OPLAH: variants seen among roughly 807,000 people sequenced by gnomAD.
OPLAH encodes the protein 5-oxoprolinase, ATP-hydrolysing.
A neutral mutation model predicts 122.8 loss-of-function variants in OPLAH; 103 were observed. The ratio of observed to expected loss-of-function variants is 0.84; its 90% CI spans 0.71 to 0.99. OPLAH has a LOEUF of 0.99. OPLAH is among the 50% of genes least tolerant of loss of function. The pLI, the probability that OPLAH is intolerant of heterozygous loss-of-function variation, is 0.00. For synonymous variants in OPLAH, 875 were observed against 796.0 expected (o/e 1.10, Z -1.67); for missense variants, 1,902 against 1,836.5 (o/e 1.04, Z -0.65).
intron 3 of OPLAH, 53 bp from the exon 4 acceptor site, chr8:144,059,132 G>T: frequency 7.0e-7 from 1 of 1,430,364 alleles, no homozygotes; most frequent in Non-Finnish European, 9.5e-7. Context: ...TCCAGGCCGG[G>T]GTCCTGTGTG....
At position 144,057,022 on chromosome 8, in the gene OPLAH, G is replaced by C. The variant is rs782042161; in HGVS notation, c.1632C>G (p.Phe544Leu). Residue 544 changes from phenylalanine to leucine, a missense_variant, in exon 12 of 27, where the codon TTC becomes TTG. Transcript: ENST00000618853. Reference sequence around the variant, plus strand: ...GGCTCAGCCTCTGGTCCAGCTGCACGAAGGTCTCAGGCGCGTAGAGCAGGG... The same window carrying C: ...GGCTCAGCCTCTGGTCCAGCTGCACCAAGGTCTCAGGCGCGTAGAGCAGGG... ...PCSLLYAPET[F>L]VQLDQRLSRL... The C allele has an allele frequency of 6.3e-7, 1 of 1,597,582 alleles. No individual in the cohort carries two copies. The highest frequency in any genetic ancestry group is 2.3e-5 in the East Asian group (1 of 44,168).
Position 144,058,362 on chromosome 8 carries a change from G to T in OPLAH, c.826C>A (p.Pro276Thr). Reference protein sequence around the residue: ...LFMRSDGGLAPMDTFSGSSAV... With the variant: ...LFMRSDGGLATMDTFSGSSAV... ...CTGGAGCCGCTGAAGGTGTCCATGGGCGCCAGGCCGCCATCGGAGCGCATG... is the reference window on the plus strand; with the variant it reads ...CTGGAGCCGCTGAAGGTGTCCATGGTCGCCAGGCCGCCATCGGAGCGCATG... Residue 276 changes from proline (P) to threonine (T), a missense_variant, in exon 7 of 27, where the codon CCC becomes ACC. By Grantham distance (38) the Pro-to-Thr change is conservative. Around this residue, in one of 3 missense-constraint regions of OPLAH, gnomAD observed 1,726 missense variants for 1,642.1 expected, o/e 1.05. Coordinates refer to ENST00000618853, the MANE Select transcript of OPLAH (RefSeq NM_017570.5). 6.3e-7 allele frequency: 1 copy of T among 1,594,878 alleles called. No individual in the cohort carries two copies.
intron 26 of OPLAH, 85 bp downstream of exon 26, chr8:144,051,644 T>G: frequency 8.0e-7 from 1 of 1,249,266 alleles, no homozygotes; most frequent in Non-Finnish European, 1.1e-6. Flanking sequence ...CGGCCTCTGG[T>G]CAGGTCTGCA....
At position 144,056,464 on chromosome 8, in the gene OPLAH, C is replaced by T. The variant is rs782470750; in HGVS notation, c.1904G>A (p.Arg635Gln). Reference protein sequence around the residue: ...PERPVVVDDVRVRGTGRSGLR... With the variant: ...PERPVVVDDVQVRGTGRSGLR... ...ACCACTGCGGCCGGTGCCCCGCACT[C>T]GCACATCGTCCACGACCACCGGCCG... Residue 635 changes from arginine (R) to glutamine (Q), a missense_variant, in exon 14 of 27, where the codon CGA becomes CAA. By Grantham distance (43) the Arg-to-Gln change is conservative. This residue lies in a region of OPLAH where 1,726 missense variants were observed against 1,642.1 expected (regional missense o/e 1.05). Coordinates refer to ENST00000618853, the MANE Select transcript of OPLAH (RefSeq NM_017570.5). The T allele has an allele frequency of 1.9e-4, 314 of 1,611,296 alleles. No homozygotes were observed. The highest frequency in any genetic ancestry group is 3.6e-4 in the East Asian group (16 of 44,828).
chr8:144,052,718 G>T, intron 22 of OPLAH, 48 bp downstream of exon 22: 2 of 1,550,988 alleles, frequency 1.3e-6, no homozygotes, highest in Admixed American at 1.9e-5. Context: ...GGCGCACTCA[G>T]GGTGACCTCG....
chr8:144,061,788 C>A (rs559280438), upstream of OPLAH, among the ~76,000 whole-genome samples: 1 of 152,088 alleles, frequency 6.6e-6, no homozygotes, highest in African/African-American at 2.4e-5. Flanking sequence ...TTTGGGAGAC[C>A]GAGGCGTGTG....
In OPLAH at chr8:144,052,605, G is replaced by T; in HGVS notation, c.3154-7C>A. The T allele has an allele frequency of 6.3e-7, 1 of 1,587,144 alleles. No homozygotes were observed. Among genetic ancestry groups the T allele is most frequent in the East Asian group, 2.3e-5 (1 of 44,212 alleles). The stretch of plus-strand genomic sequence containing the variant: ...GCACTGGCGCCAGGCAGCCCTGTGC[G>T]GGGCGGGCGGCTCTCAGGAGCTCTT... On this transcript the variant is annotated splice_polypyrimidine_tract_variant and splice_region_variant and intron_variant, in intron 22 of 26. Coordinates refer to ENST00000618853, the MANE Select transcript of OPLAH (RefSeq NM_017570.5).
chr8:144,051,695 AG>A (rs1554757685), intron 26 of OPLAH, 33 bp downstream of exon 26: 2 of 1,384,388 alleles, frequency 1.4e-6, no homozygotes, highest in Non-Finnish European at 2.0e-6. Context: ...AGGGGAGGGG[AG>A]GGGAGGGGGA....
upstream of OPLAH, among the ~76,000 whole-genome samples, chr8:144,062,485 C>G (rs901725196): frequency 6.6e-6 from 1 of 152,114 alleles, no homozygotes; most frequent in Admixed American, 6.5e-5. Flanking sequence ...GGAAGCAGCT[C>G]TGGTCAGCAA....
chr8:144,050,629 G>A (rs1400791347), downstream of OPLAH: 1 of 985,606 alleles, frequency 1.0e-6, no homozygotes. Flanking sequence ...TGGGCCCTGG[G>A]TATCGCGCTT....
rs1361995008 is a variant in OPLAH at position 144,051,292 on chromosome 8, C to G, written c.*34G>C. The G allele has an allele frequency of 2.5e-6, 4 of 1,608,322 alleles. No individual in the cohort carries two copies. Among genetic ancestry groups the G allele is most frequent in the African/African-American group, 1.3e-5 (1 of 74,414 alleles). On this transcript the variant is annotated 3_prime_UTR_variant, in exon 27 of 27. Transcript: ENST00000618853. ...AGGCGCCGTAGCTGCGTCCCCAGAA[C>G]CGGGAGACTTAAGGCATCTTTATTG...
Position 144,059,033 on chromosome 8 carries a change from T to C in OPLAH, c.410A>G (p.Asp137Gly), listed in dbSNP as rs1432166089. 1 of 1,590,344 alleles carries C rather than the reference T, an allele frequency of 6.3e-7. No individual in the cohort carries two copies. Among genetic ancestry groups the C allele is most frequent in the Non-Finnish European group, 8.5e-7 (1 of 1,170,042 alleles). The change falls in exon 4 of 27, where the codon GAC becomes GGC. Residue 137 changes from aspartate (D) to glycine (G), a missense_variant. By Grantham distance (94) the Asp-to-Gly change is moderately conservative. Transcript: ENST00000618853. ...TCCACGGTGCAGCACCACGCGTTCGTCCACCTCCAGCACCTCTTCATACAG... is the reference window on the plus strand; with the variant it reads ...TCCACGGTGCAGCACCACGCGTTCGCCCACCTCCAGCACCTCTTCATACAG... ...EVLYEEVLEV[D>G]ERVVLHRGEA...
chr8:144,057,383 C>A lies in OPLAH; in HGVS notation c.1423-63G>T, dbSNP rs181866575. The stretch of plus-strand genomic sequence containing the variant: ...TACCCCATCCAGCCCCCAGCCTGAG[C>A]AGGAGGCCTGGGGCAGGGAGCAGGG... On this transcript the variant is annotated intron_variant, in intron 10 of 26. Coordinates refer to ENST00000618853, the MANE Select transcript of OPLAH (RefSeq NM_017570.5). The A allele has an allele frequency of 2.1e-5, 33 of 1,582,306 alleles. No individual in the cohort carries two copies. In the East Asian group the frequency reaches 7.3e-4, roughly 35 times the overall value.
At chr8:144,051,230 C>G, downstream of OPLAH, 3 of 1,559,156 alleles carry the variant, frequency 1.9e-6, no homozygotes, top group Non-Finnish European at 2.6e-6. Context: ...GAGGGGCGCG[C>G]GGCTGGCGCG....
In OPLAH at chr8:144,057,936, AGGG is replaced by A; in HGVS notation, c.1089-16_1089-14del. ...AAAGAGGCCAGACCTAGGGGAAGGA[AGGG>A]CTGGGGTTGGAGTTGGACACGAGGA... On this transcript the variant is annotated splice_polypyrimidine_tract_variant and intron_variant, in intron 8 of 26. Transcript: ENST00000618853. The A allele has an allele frequency of 6.2e-7, 1 of 1,611,738 alleles. No individual in the cohort carries two copies. The highest frequency in any genetic ancestry group is 1.1e-5 in the South Asian group (1 of 91,064).
chr8:144,056,060 C>G, intron 15 of OPLAH, 87 bp downstream of exon 15: 4 of 1,525,616 alleles, frequency 2.6e-6, no homozygotes, highest in Non-Finnish European at 3.5e-6. Context: ...CCTGCAGGCC[C>G]CTGCAGCCTT....
upstream of OPLAH, among the ~76,000 whole-genome samples, chr8:144,061,643 C>T (rs147989649): frequency 2.0e-5 from 3 of 152,252 alleles, no homozygotes; most frequent in Non-Finnish European, 4.4e-5. Context: ...GCCACAGCAA[C>T]GGCACGAAGT....
At chr8:144,058,187 C>T in intron 7 of OPLAH, 39 bp from the exon 8 acceptor site, 1 of 1,606,970 alleles carries the variant, frequency 6.2e-7, no homozygotes, top group Non-Finnish European at 8.5e-7. Context: ...CTTGAAGACC[C>T]AGGGGCCCAG....
chr8:144,056,116 C>T, intron 15 of OPLAH, 31 bp downstream of exon 15: 1 of 1,587,062 alleles, frequency 6.3e-7, no homozygotes, highest in Non-Finnish European at 8.6e-7. Context: ...GACCCGTCCA[C>T]ATCCTCCACC....
Sources: gnomAD v4.1 joint callset for allele counts (sites outside exome capture counted in the v4.1 genomes callset) on GRCh38, gnomAD v4.1.1 for gene constraint, gnomAD v4.1.1 regional missense constraint, MANE v1.5 for transcripts, NCBI Gene and HGNC (gene_info 2026-07-23, HGNC 2026-07-21) for gene names.